Variants in MYO7B observed in about 807,000 individuals in gnomAD.
The protein encoded by MYO7B is myosin VIIB, also known as unconventional myosin-VIIb.
A neutral mutation model predicts 259.7 loss-of-function variants in MYO7B; 212 were observed. That is an observed-to-expected ratio of 0.82 (90% CI 0.73 to 0.91). The LOEUF (loss-of-function observed/expected upper bound fraction) is 0.91, where lower values mean the gene tolerates loss of function less well. MYO7B is among the 40% of genes least tolerant of loss of function. The pLI is 0.00. For missense variants in MYO7B, 2,732 were observed against 2,813.5 expected, an observed-to-expected ratio of 0.97 and a Z score of 0.66; for synonymous variants, 1,197 against 1,166.4, an observed-to-expected ratio of 1.03 and a Z score of -0.54.
At chr2:127,548,636 G>A (rs1173584978) in intron 1 of MYO7B, among the ~76,000 whole-genome samples, 1 of 151,742 alleles carries the variant, frequency 6.6e-6, no homozygotes, top group Non-Finnish European at 1.5e-5. Flanking sequence ...GGCTGGTCTC[G>A]AACTCCTGAC....
At position 127,580,771 on chromosome 2, in the gene MYO7B, C is replaced by T. The variant is rs1239818866; in HGVS notation, c.1029C>T (p.Ala343=). ...CTTCGGTCTTCGAGAACCTGGACGCCTCAGACGTGATGGAGACGCCCGCCT... is the reference window on the plus strand; with the variant it reads ...CTTCGGTCTTCGAGAACCTGGACGCTTCAGACGTGATGGAGACGCCCGCCT... The part of the protein sequence containing the change: ...FMASVFENLD[A]SDVMETPAFP... Residue 343 remains alanine, a synonymous_variant, in exon 10 of 48, where the codon GCC becomes GCT. Coordinates refer to ENST00000409816, the MANE Select transcript of MYO7B (RefSeq NM_001393586.1). The T allele has an allele frequency of 6.2e-7, 1 of 1,613,440 alleles. No individual in the cohort carries two copies. The highest frequency in any genetic ancestry group is 8.5e-7 in the Non-Finnish European group (1 of 1,179,766).
rs1423265598 is a variant in MYO7B at position 127,636,281 on chromosome 2, T to C, written c.6080T>C (p.Ile2027Thr). 6.2e-7 allele frequency: 1 copy of C among 1,613,448 alleles called. No individual in the cohort carries two copies. Among genetic ancestry groups the C allele is most frequent in the Non-Finnish European group, 8.5e-7 (1 of 1,179,814 alleles). Residue 2027 changes from isoleucine to threonine, a missense_variant, in exon 45 of 48, where the codon ATC becomes ACC. Physicochemically the swap from Ile to Thr is moderately conservative, Grantham distance 89 (BLOSUM62 -1). Around this residue, in one of 3 missense-constraint regions of MYO7B, gnomAD observed 821 missense variants for 769.3 expected, o/e 1.07. Coordinates refer to ENST00000409816, the MANE Select transcript of MYO7B (RefSeq NM_001393586.1). This position sits in a 1 kb window ranked among gnomAD's most constrained non-coding sequence, Gnocchi z 4.5. The part of the protein sequence containing the change: ...EEAKVAFLKW[I>T]CRWPTFGSAF... Reference sequence around the variant, plus strand: ...GCCAAGGTGGCCTTCCTGAAGTGGATCTGCCGGTGGCCCACCTTCGGATCC... The same window carrying C: ...GCCAAGGTGGCCTTCCTGAAGTGGACCTGCCGGTGGCCCACCTTCGGATCC...
intron 1 of MYO7B, among the ~76,000 whole-genome samples, chr2:127,542,073 G>A (rs1398786553): frequency 6.6e-6 from 1 of 152,260 alleles, no homozygotes; most frequent in Non-Finnish European, 1.5e-5. Flanking sequence ...CCCTCATGGT[G>A]ATCCAGGAGC....
Position 127,625,405 on chromosome 2 carries a change from A to G in MYO7B, c.4085A>G (p.Tyr1362Cys). 1 of 1,606,616 alleles carries G rather than the reference A, an allele frequency of 6.2e-7. No homozygotes were observed. Among genetic ancestry groups the G allele is most frequent in the Non-Finnish European group, 8.5e-7 (1 of 1,177,416 alleles). Reference protein sequence around the residue: ...ELVELLARHCYVQLGASAESK... With the variant: ...ELVELLARHCCVQLGASAESK... ...GTTGAGCTGCTGGCCCGGCACTGCTACGTGCAGCTCGGCGCCTCAGCAGAG... is the reference window on the plus strand; with the variant it reads ...GTTGAGCTGCTGGCCCGGCACTGCTGCGTGCAGCTCGGCGCCTCAGCAGAG... Residue 1362 changes from tyrosine to cysteine, a missense_variant, in exon 31 of 48, where the codon TAC becomes TGC. Coordinates refer to ENST00000409816, the MANE Select transcript of MYO7B (RefSeq NM_001393586.1).
At position 127,576,776 on chromosome 2, in the gene MYO7B, C is replaced by T. The variant is rs1307223198; in HGVS notation, c.849+68C>T. On this transcript the variant is annotated intron_variant, in intron 8 of 47. Coordinates refer to ENST00000409816, the MANE Select transcript of MYO7B (RefSeq NM_001393586.1). The surrounding 1 kb of genome is among the most constrained non-coding windows in gnomAD (Gnocchi z 4.9). ...AGGAAAAAGAGCTTGTGCCGCTCCA[C>T]CCTCCGCGACAGCTGCAGAGAAGCC... is the stretch of plus-strand genomic sequence containing the variant. 9 of 1,154,236 alleles carry T rather than the reference C, an allele frequency of 7.8e-6. No homozygotes were observed. The highest frequency in any genetic ancestry group is 2.5e-5 in the East Asian group (1 of 40,276). 71.5% of individuals were successfully genotyped at this position (1,154,236 alleles called of 1,614,324 possible). A position where few individuals can be genotyped will look rare whatever the true frequency, so the allele number is the denominator to read the frequency against.
Position 127,574,064 on chromosome 2 carries a change from T to G in MYO7B, c.735+2T>G, listed in dbSNP as rs1187606631. 6.2e-7 allele frequency: 1 copy of G among 1,613,712 alleles called. No individual in the cohort carries two copies. The highest frequency in any genetic ancestry group is 1.3e-5 in the African/African-American group (1 of 74,892). On this transcript the variant is annotated splice_donor_variant, in intron 7 of 47. Coordinates refer to ENST00000409816, the MANE Select transcript of MYO7B (RefSeq NM_001393586.1). LOFTEE classifies it high-confidence loss of function. ...GAGAAGTCCCGGGTCTGCCGGCAGGTGAGGCCTCCCCCTTCCCAGGTCGGG... is the reference window on the plus strand; with the variant it reads ...GAGAAGTCCCGGGTCTGCCGGCAGGGGAGGCCTCCCCCTTCCCAGGTCGGG...
At chr2:127,635,639 C>T in intron 43 of MYO7B, 83 bp from the exon 44 acceptor site, 2 of 1,420,630 alleles carry the variant, frequency 1.4e-6, no homozygotes, top group Non-Finnish European at 9.6e-7. Flanking sequence ...AGCCCCAGTT[C>T]CCCACCATCT....
chr2:127,560,686 C>A (rs193220089), intron 2 of MYO7B, among the ~76,000 whole-genome samples: 18 of 152,298 alleles, frequency 1.2e-4, no homozygotes, highest in African/African-American at 4.1e-4. Flanking sequence ...CCTGTGCATC[C>A]TTCCCTGCCC....
intron 30 of MYO7B, 100 bp from the exon 31 acceptor site, chr2:127,625,268 G>C (rs532959893): frequency 2.9e-6 from 4 of 1,356,070 alleles, no homozygotes; most frequent in Non-Finnish European, 3.9e-6. Context: ...TAGCTCCCCT[G>C]TGATGGGGCA....
rs1013960171 is a variant in MYO7B at position 127,597,276 on chromosome 2, C to T, written c.2339+720C>T. 6.6e-6 allele frequency among the ~76,000 whole-genome samples: 1 copy of T among 152,356 alleles called. No homozygotes were observed. The highest frequency in any genetic ancestry group is 6.5e-5 in the Admixed American group (1 of 15,312). ...GCAGGCTGGCCACCCTGACTCCCAA[C>T]ATTTTAAATTAAACTTTTTGTTTTG... On this transcript the variant is annotated intron_variant, in intron 19 of 47. Coordinates refer to ENST00000409816, the MANE Select transcript of MYO7B (RefSeq NM_001393586.1). This position sits in a 1 kb window ranked among gnomAD's most constrained non-coding sequence, Gnocchi z 4.8.
rs1381438985 is a variant in MYO7B, at chr2:127,548,150, A to G, written c.-23-11550A>G. On this transcript the variant is annotated intron_variant, in intron 1 of 47. Coordinates refer to ENST00000409816, the MANE Select transcript of MYO7B (RefSeq NM_001393586.1). ...TTTTAATGTCCGTGGGATCAGAGTG[A>G]TGTCTCCTCTTTCATTTCCAATAGT... is the stretch of plus-strand genomic sequence containing the variant. Among the ~76,000 whole-genome samples the G allele has an allele frequency of 2.0e-5, 3 of 152,170 alleles. No homozygotes were observed. In the East Asian group the frequency reaches 5.8e-4, roughly 29 times the overall value.
chr2:127,551,756 G>A (rs2104822096), intron 1 of MYO7B, among the ~76,000 whole-genome samples: 1 of 152,304 alleles, frequency 6.6e-6, no homozygotes, highest in South Asian at 2.1e-4. Flanking sequence ...GAGGAGACAG[G>A]GAGGGGCAGC....
intron 26 of MYO7B, among the ~76,000 whole-genome samples, chr2:127,617,808 CG>C (rs1479691116): frequency 1.3e-5 from 2 of 151,256 alleles, no homozygotes; most frequent in Non-Finnish European, 2.9e-5. Flanking sequence ...GGCCTTGTAA[CG>C]GGGTTTCTTA....
In MYO7B at chr2:127,624,150, C is replaced by T; in HGVS notation, c.3877C>T (p.Gln1293Ter). The change falls in exon 30 of 48, where the codon CAG becomes TAG. Residue 1293 changes from glutamine to a stop codon, truncating the protein, a stop_gained. Coordinates refer to ENST00000409816, the MANE Select transcript of MYO7B (RefSeq NM_001393586.1). LOFTEE classifies it high-confidence loss of function. ...HMMDAIARCE[Q>*]MAQERGESQR... ...GATGGATGCCATCGCCCGGTGTGAGCAGATGGCCCAGGAGAGGGGCGAGAG... is the reference window on the plus strand; with the variant it reads ...GATGGATGCCATCGCCCGGTGTGAGTAGATGGCCCAGGAGAGGGGCGAGAG... 1 of 1,595,092 alleles carries T rather than the reference C, an allele frequency of 6.3e-7. No individual in the cohort carries two copies. Among genetic ancestry groups the T allele is most frequent in the Non-Finnish European group, 8.5e-7 (1 of 1,171,580 alleles).
rs776533482 is a variant in MYO7B at position 127,609,694 on chromosome 2, C to G, written c.3003C>G (p.His1001Gln). Reference protein sequence around the residue: ...RRPLRYPLLYHEDDTDCLAAL... With the variant: ...RRPLRYPLLYQEDDTDCLAAL... ...CCCTCCGATACCCGTTGCTTTACCA[C>G]GAAGATGACACTGACTGCTTGGTAC... Residue 1001 changes from histidine (H) to glutamine (Q), a missense_variant, in exon 23 of 48, where the codon CAC becomes CAG. This residue lies in a region of MYO7B where 1,906 missense variants were observed against 2,026.4 expected (regional missense o/e 0.94). Transcript: ENST00000409816. This position sits in a 1 kb window ranked among gnomAD's most constrained non-coding sequence, Gnocchi z 6.9. The G allele has an allele frequency of 6.2e-7, 1 of 1,613,952 alleles. No individual in the cohort carries two copies. The highest frequency in any genetic ancestry group is 8.5e-7 in the Non-Finnish European group (1 of 1,179,874).
Position 127,635,056 on chromosome 2 carries a change from CA to C in MYO7B, c.5714-63del, listed in dbSNP as rs1028422157. 3.0e-6 allele frequency: 4 copies of C among 1,349,150 alleles called. No homozygotes were observed. In the African/African-American group the frequency reaches 5.8e-5, roughly 19 times the overall value. The allele number at this position is 1,349,150 out of a possible 1,614,324, so 83.6% of individuals were successfully genotyped here. A position where few individuals can be genotyped will look rare whatever the true frequency, so the allele number is the denominator to read the frequency against. On this transcript the variant is annotated intron_variant, in intron 42 of 47. Transcript: ENST00000409816. ...GTGGCAGGCGCAGTGTGGGGGGTGG[CA>C]GGGGGTCAGGGCTGGTGTACCTGCT...
At position 127,609,732 on chromosome 2, in the gene MYO7B, G is replaced by T. The variant is rs1680303367; in HGVS notation, c.3024+17G>T. On this transcript the variant is annotated intron_variant, in intron 23 of 47. Transcript: ENST00000409816. The surrounding 1 kb of genome is among the most constrained non-coding windows in gnomAD (Gnocchi z 6.9). ...GACTGCTTGGTACCAGGGTTCACTG[G>T]CTTCTAGTGGATCAGGCCAGCCCCG... The T allele has an allele frequency of 6.2e-7, 1 of 1,613,872 alleles. No individual in the cohort carries two copies. Among genetic ancestry groups the T allele is most frequent in the East Asian group, 2.2e-5 (1 of 44,876 alleles).
chr2:127,594,134 G>A (rs934304413), intron 18 of MYO7B, among the ~76,000 whole-genome samples: 1 of 152,218 alleles, frequency 6.6e-6, no homozygotes, highest in African/African-American at 2.4e-5. Context: ...TGTCCTTAGC[G>A]GGGCTTGTGC....
intron 27 of MYO7B, 63 bp downstream of exon 27, chr2:127,620,529 C>T (rs1680794630): frequency 1.4e-6 from 2 of 1,414,646 alleles, no homozygotes; most frequent in East Asian, 2.5e-5. Context: ...GTAGGTGGCC[C>T]CTGGCCCTGG....
Sources: allele counts gnomAD v4.1 joint callset (sites outside exome capture counted in the v4.1 genomes callset), GRCh38; gene constraint gnomAD v4.1.1; regional missense constraint gnomAD v4.1.1; non-coding constraint Gnocchi (gnomAD v3.1); transcripts MANE v1.5; gene names NCBI Gene and HGNC (gene_info 2026-07-23, HGNC 2026-07-21).